GREB1L: variants seen among roughly 807,000 people sequenced by gnomAD.
GREB1L encodes GREB1 like retinoic acid receptor coactivator.
In GREB1L, 17 loss-of-function variants were observed where a neutral mutation model predicts 200.8. The observed-to-expected ratio is 0.08, with a 90% CI of 0.06 to 0.13. The LOEUF (loss-of-function observed/expected upper bound fraction) is 0.13. GREB1L is among the 10% of genes least tolerant of loss of function. The probability of loss-of-function intolerance (pLI) is 1.00; values close to 1 mark genes in which losing one functional copy is unlikely to be tolerated. For missense variants in GREB1L, 1,657 were observed against 2,367.7 expected (o/e 0.70, Z 6.23); for synonymous variants, 789 against 893.0 (o/e 0.88, Z 2.08).
intron 2 of GREB1L, among the ~76,000 whole-genome samples, chr18:21,373,770 AAG>A (rs2039969210): frequency 1.3e-5 from 2 of 152,236 alleles, no homozygotes; most frequent in African/African-American, 4.8e-5. Flanking sequence ...GAAGTACAGA[AAG>A]AGTAGAATAA....
At chr18:21,350,101 G>A (rs2039411398) in intron 1 of GREB1L, among the ~76,000 whole-genome samples, 1 of 152,074 alleles carries the variant, frequency 6.6e-6, no homozygotes, top group Non-Finnish European at 1.5e-5. Flanking sequence ...CTGTCTGCAT[G>A]TCTAGATTGG....
intron 17 of GREB1L, among the ~76,000 whole-genome samples, chr18:21,483,272 C>T (rs1296241676): frequency 1.3e-5 from 2 of 152,112 alleles, no homozygotes; most frequent in Admixed American, 1.3e-4. Context: ...GAAACAGGGG[C>T]CAAGGGTGAG....
chr18:21,484,003 T>A (rs1443766532), intron 17 of GREB1L, among the ~76,000 whole-genome samples: 1 of 151,280 alleles, frequency 6.6e-6, no homozygotes, highest in Admixed American at 6.6e-5. Context: ...AGCTCAGAAT[T>A]TGGGCTACCA....
chr18:21,474,566 T>C (rs1240048594), intron 16 of GREB1L, among the ~76,000 whole-genome samples: 9 of 152,156 alleles, frequency 5.9e-5, no homozygotes, highest in African/African-American at 2.2e-4. Flanking sequence ...CTCAACACCA[T>C]GTGGAAGCTG....
intron 2 of GREB1L, among the ~76,000 whole-genome samples, chr18:21,372,872 G>T (rs1483635152): frequency 1.3e-5 from 2 of 152,286 alleles, no homozygotes; most frequent in East Asian, 3.9e-4. Flanking sequence ...GGTGAGCCGA[G>T]ATCATGCCAA....
chr18:21,275,258 G>C (rs1171922168), intron 1 of GREB1L, among the ~76,000 whole-genome samples: 1 of 151,748 alleles, frequency 6.6e-6, no homozygotes, highest in African/African-American at 2.4e-5. Context: ...AAATAAAAAT[G>C]TTGGTTATAT....
chr18:21,348,187 C>T (rs535961436), intron 1 of GREB1L, among the ~76,000 whole-genome samples: 9 of 151,792 alleles, frequency 5.9e-5, no homozygotes, highest in Admixed American at 6.6e-5. Context: ...CCTCGTGTTC[C>T]GCCCGCCTGA....
chr18:21,403,789 G>C (rs1420407476), intron 6 of GREB1L, 83 bp from the exon 7 acceptor site: 3 of 1,192,486 alleles, frequency 2.5e-6, no homozygotes, highest in East Asian at 2.6e-5. Context: ...ATTTAATTTA[G>C]AGATTTTATG....
At chr18:21,402,653 G>A (rs1272020721) in intron 6 of GREB1L, among the ~76,000 whole-genome samples, 2 of 151,840 alleles carry the variant, frequency 1.3e-5, no homozygotes, top group African/African-American at 4.8e-5. Context: ...CTCACAAGGA[G>A]CTGGGACTAC....
chr18:21,370,093 AAAATG>A (rs2039818824), intron 2 of GREB1L, among the ~76,000 whole-genome samples: 1 of 152,226 alleles, frequency 6.6e-6, no homozygotes, highest in African/African-American at 2.4e-5. Flanking sequence ...AGGATGAATA[AAAATG>A]AAATAAAGCA....
intron 23 of GREB1L, among the ~76,000 whole-genome samples, chr18:21,503,754 T>A (rs569015069): frequency 6.6e-6 from 1 of 151,116 alleles, no homozygotes; most frequent in Admixed American, 6.6e-5. Flanking sequence ...TTTTTTGTAT[T>A]TTTAGTAAAG....
At chr18:21,389,434 C>T (rs1252428312) in intron 4 of GREB1L, among the ~76,000 whole-genome samples, 1 of 150,090 alleles carries the variant, frequency 6.7e-6, no homozygotes, top group Non-Finnish European at 1.5e-5. Flanking sequence ...TAGGCACACA[C>T]CTCTCATAGA....
chr18:21,376,812 CAA>C (rs534144361), intron 2 of GREB1L, among the ~76,000 whole-genome samples: 2 of 59,674 alleles, frequency 3.4e-5, no homozygotes, highest in African/African-American at 5.6e-5. Flanking sequence ...GAGTCCGTCT[CAA>C]AAAAAAAAAA....
intron 21 of GREB1L, among the ~76,000 whole-genome samples, chr18:21,498,667 CCCT>C (rs2145926028): frequency 6.6e-6 from 1 of 152,320 alleles, no homozygotes; most frequent in African/African-American, 2.4e-5. Flanking sequence ...GCTACTGTGT[CCCT>C]CCCTACAGGC....
At chr18:21,440,234 C>G (rs1471863179) in intron 8 of GREB1L, 35 bp from the exon 9 acceptor site, 2 of 1,549,932 alleles carry the variant, frequency 1.3e-6, no homozygotes, top group East Asian at 2.4e-5. Context: ...GAGAACAAGA[C>G]TATCTCTTTT....
chr18:21,397,541 A>AAATAAT (rs1555637995), intron 5 of GREB1L, among the ~76,000 whole-genome samples: 49 of 126,104 alleles, frequency 3.9e-4, no homozygotes, highest in South Asian at 5.4e-4. Flanking sequence ...AAAAAAAAAA[A>AAATAAT]AATAATAATA....
intron 20 of GREB1L, among the ~76,000 whole-genome samples, chr18:21,496,161 T>TAAAA (rs2036536622): frequency 6.6e-6 from 1 of 152,228 alleles, no homozygotes; most frequent in African/African-American, 2.4e-5. Context: ...ATTAGCTGAA[T>TAAAA]GCTTACTGTG....
intron 7 of GREB1L, among the ~76,000 whole-genome samples, chr18:21,412,841 A>AC (rs34773407): frequency 0.048 from 7,059 of 145,874 alleles, 463 homozygotes; most frequent in African/African-American, 0.15. Context: ...TGGATTTACC[A>AC]CCCCCCCCCA....
chr18:21,396,205 C>G (rs2041059150), intron 5 of GREB1L, among the ~76,000 whole-genome samples: 1 of 151,792 alleles, frequency 6.6e-6, no homozygotes, highest in Non-Finnish European at 1.5e-5. Context: ...CCATCACGCC[C>G]AGCTACTCTT....
Sources: gnomAD v4.1 joint callset for allele counts (sites outside exome capture counted in the v4.1 genomes callset) on GRCh38, gnomAD v4.1.1 for gene constraint, MANE v1.5 for transcripts, NCBI Gene and HGNC (gene_info 2026-07-23, HGNC 2026-07-21) for gene names.